TMEM178B: variants seen among roughly 807,000 people sequenced by gnomAD.
TMEM178B encodes transmembrane protein 178B.
Under a neutral mutation model 31.0 loss-of-function variants are expected in TMEM178B, and 5 were observed. The ratio of observed to expected loss-of-function variants is 0.16; its 90% CI spans 0.08 to 0.34. The LOEUF (loss-of-function observed/expected upper bound fraction) is 0.34, where lower values mean the gene tolerates loss of function less well. Among genes scored for constraint, TMEM178B ranks in the 10% least tolerant of loss-of-function variants. TMEM178B has a pLI of 1.00. For synonymous variants in TMEM178B, 164 were observed against 164.0 expected (o/e 1.00, Z 0.00); for missense variants, 275 against 400.3 (o/e 0.69, Z 2.67).
chr7:141,155,008 G>A (rs1796045226), intron 1 of TMEM178B, among the ~76,000 whole-genome samples: 1 of 152,144 alleles, frequency 6.6e-6, no homozygotes, highest in South Asian at 2.1e-4. Flanking sequence ...AGGATTACAG[G>A]TGTGAGCCAC....
intron 2 of TMEM178B, among the ~76,000 whole-genome samples, chr7:141,235,611 T>G (rs1265152802): frequency 6.6e-6 from 1 of 152,234 alleles, no homozygotes; most frequent in Non-Finnish European, 1.5e-5. Context: ...TATTATGGGC[T>G]TTTATCCATG....
chr7:141,395,226 G>C (rs1033545700), intron 2 of TMEM178B, among the ~76,000 whole-genome samples: 9 of 152,068 alleles, frequency 5.9e-5, no homozygotes, highest in Non-Finnish European at 1.2e-4. Flanking sequence ...GTGTAGAGCA[G>C]TTACTAAGAA....
intron 3 of TMEM178B, among the ~76,000 whole-genome samples, chr7:141,469,356 G>A (rs1279826292): frequency 6.6e-6 from 1 of 152,062 alleles, no homozygotes; most frequent in African/African-American, 2.4e-5. Flanking sequence ...AAATTATCAC[G>A]AGCTGGTGAG....
chr7:141,266,157 AATACTGAT>A (rs1305347772), intron 2 of TMEM178B, among the ~76,000 whole-genome samples: 1 of 152,204 alleles, frequency 6.6e-6, no homozygotes, highest in Non-Finnish European at 1.5e-5. Flanking sequence ...CCTTAAGAAA[AATACTGAT>A]ATTTGAAGCT....
At chr7:141,408,907 C>T (rs1211883425) in intron 2 of TMEM178B, among the ~76,000 whole-genome samples, 1 of 152,094 alleles carries the variant, frequency 6.6e-6, no homozygotes, top group Non-Finnish European at 1.5e-5. Flanking sequence ...GGGCTGAGAG[C>T]CTCCATGAGT....
At chr7:141,217,989 G>C (rs376238074) in intron 2 of TMEM178B, among the ~76,000 whole-genome samples, 1 of 152,014 alleles carries the variant, frequency 6.6e-6, no homozygotes, top group Admixed American at 6.5e-5. Context: ...CAACTAATTA[G>C]ATTGGGTAGT....
Position 141,437,751 on chromosome 7 carries a change from G to A in TMEM178B, c.634+6G>A, listed in dbSNP as rs1478266348. ...GCTGCTCTTCCTCATGGGAGGTAAG[G>A]CTACGGGCTCGGCTTGTGGGTGGCA... On this transcript the variant is annotated splice_donor_region_variant and intron_variant, in intron 3 of 3. Transcript: ENST00000565468. 3.3e-6 allele frequency: 5 copies of A among 1,536,026 alleles called. No homozygotes were observed. The African/African-American group carries it at 4.1e-5, about 13-fold the overall frequency.
intron 2 of TMEM178B, among the ~76,000 whole-genome samples, chr7:141,259,107 T>C (rs1797974490): frequency 6.6e-6 from 1 of 152,214 alleles, no homozygotes; most frequent in African/African-American, 2.4e-5. Flanking sequence ...GTATGCTTGA[T>C]AGTATCCCAC....
chr7:141,132,421 A>C (rs531388550), intron 1 of TMEM178B, among the ~76,000 whole-genome samples: 1 of 152,364 alleles, frequency 6.6e-6, no homozygotes, highest in Admixed American at 6.5e-5. Context: ...TAAACATGTT[A>C]CACTTTAATC....
At chr7:141,396,689 A>G (rs1462344238) in intron 2 of TMEM178B, among the ~76,000 whole-genome samples, 1 of 152,210 alleles carries the variant, frequency 6.6e-6, no homozygotes, top group Non-Finnish European at 1.5e-5. Flanking sequence ...AAATGGGATA[A>G]GGTTTAAGGA....
At chr7:141,188,554 A>ATC (rs1046103237) in intron 1 of TMEM178B, among the ~76,000 whole-genome samples, 40 of 152,336 alleles carry the variant, frequency 2.6e-4, no homozygotes, top group African/African-American at 9.1e-4. Flanking sequence ...TGAGAGACAG[A>ATC]TCTAGCTTCC....
At chr7:141,131,064 C>T (rs954943406) in intron 1 of TMEM178B, among the ~76,000 whole-genome samples, 1 of 152,208 alleles carries the variant, frequency 6.6e-6, no homozygotes, top group African/African-American at 2.4e-5. Flanking sequence ...ACCTGGTAGA[C>T]TCTCAGTAAA....
rs376395210 is a variant in TMEM178B, at chr7:141,366,125, G to A, written c.497-71483G>A. On this transcript the variant is annotated intron_variant, in intron 2 of 3. Coordinates refer to ENST00000565468, the MANE Select transcript of TMEM178B (RefSeq NM_001195278.2). ...GGGATGTGGTAAGGTCAGAGATGATGACTGCTGAGCATGTGCGTTCCTTTG... is the reference window on the plus strand; with the variant it reads ...GGGATGTGGTAAGGTCAGAGATGATAACTGCTGAGCATGTGCGTTCCTTTG... 1.4e-4 allele frequency among the ~76,000 whole-genome samples: 22 copies of A among 152,326 alleles called. No individual in the cohort carries two copies. The East Asian group carries it at 2.7e-3, about 19-fold the overall frequency.
intron 1 of TMEM178B, among the ~76,000 whole-genome samples, chr7:141,148,303 C>T (rs1795891265): frequency 6.6e-6 from 1 of 152,200 alleles, no homozygotes; most frequent in South Asian, 2.1e-4. Context: ...CACAGACCCT[C>T]AGCCATGCAA....
intron 1 of TMEM178B, among the ~76,000 whole-genome samples, chr7:141,211,808 G>A (rs1441723871): frequency 1.3e-5 from 2 of 152,162 alleles, no homozygotes; most frequent in Admixed American, 1.3e-4. Context: ...CTGGAGGGCT[G>A]ATTTAAATTC....
chr7:141,150,878 C>A (rs535558922), intron 1 of TMEM178B, among the ~76,000 whole-genome samples: 23 of 152,046 alleles, frequency 1.5e-4, no homozygotes, highest in Non-Finnish European at 2.9e-4. Context: ...TCCAGATAAG[C>A]AGGATAATAT....
intron 1 of TMEM178B, among the ~76,000 whole-genome samples, chr7:141,113,275 T>C (rs569704661): frequency 6.6e-6 from 1 of 152,304 alleles, no homozygotes; most frequent in East Asian, 1.9e-4. Context: ...GCTGTTCTAG[T>C]TGAAGCAGGA....
intron 1 of TMEM178B, among the ~76,000 whole-genome samples, chr7:141,165,093 A>G (rs903043761): frequency 1.3e-5 from 2 of 152,200 alleles, no homozygotes; most frequent in African/African-American, 4.8e-5. Context: ...TTACAAAACC[A>G]TGGTACAGCT....
chr7:141,412,197 C>T (rs780701003), intron 2 of TMEM178B, among the ~76,000 whole-genome samples: 2 of 152,152 alleles, frequency 1.3e-5, no homozygotes, highest in Non-Finnish European at 2.9e-5. Flanking sequence ...GACAATTAAA[C>T]GAGTTAAATG....
Sources: gnomAD v4.1 joint callset for allele counts (sites outside exome capture counted in the v4.1 genomes callset) on GRCh38, gnomAD v4.1.1 for gene constraint, MANE v1.5 for transcripts, NCBI Gene and HGNC (gene_info 2026-07-23, HGNC 2026-07-21) for gene names.